The following IMMP2L variants were observed in gnomAD, a reference collection of about 807,000 sequenced individuals.
The protein encoded by IMMP2L is mitochondrial inner membrane protease subunit 2.
In IMMP2L, 18 loss-of-function variants were observed where a neutral mutation model predicts 19.3. That is an observed-to-expected ratio of 0.93 (90% confidence interval 0.64 to 1.38). IMMP2L has a LOEUF of 1.38. IMMP2L is among the 40% of genes most tolerant of loss of function. The pLI is 0.00. For missense variants in IMMP2L, 233 were observed against 218.2 expected, an observed-to-expected ratio of 1.07 and a Z score of -0.43; for synonymous variants, 76 against 73.0, an observed-to-expected ratio of 1.04 and a Z score of -0.21.
intron 3 of IMMP2L, among the ~76,000 whole-genome samples, chr7:111,437,601 A>G (rs117289073): frequency 0.017 from 2,518 of 152,062 alleles, 56 homozygotes; most frequent in Middle Eastern, 0.082. Flanking sequence ...CCATTTATAA[A>G]AGATTTTATT....
At chr7:111,453,209 C>T (rs1470997614) in intron 3 of IMMP2L, among the ~76,000 whole-genome samples, 1 of 152,138 alleles carries the variant, frequency 6.6e-6, no homozygotes, top group African/African-American at 2.4e-5. Context: ...TCGTAGCTGA[C>T]CTCATTTTTA....
intron 3 of IMMP2L, among the ~76,000 whole-genome samples, chr7:111,331,156 G>A (rs1036367580): frequency 2.0e-5 from 3 of 151,826 alleles, no homozygotes; most frequent in East Asian, 1.9e-4. Flanking sequence ...ATTCACCATC[G>A]CTAAGTTATG....
chr7:110,934,707 A>G (rs1815881625), intron 4 of IMMP2L, among the ~76,000 whole-genome samples: 10 of 152,140 alleles, frequency 6.6e-5, no homozygotes, highest in Admixed American at 6.6e-4. Context: ...TAAATTTAGG[A>G]TAGTTAGCTC....
chr7:111,065,938 G>A (rs1209081848), intron 3 of IMMP2L, among the ~76,000 whole-genome samples: 15 of 151,308 alleles, frequency 9.9e-5, no homozygotes, highest in African/African-American at 4.9e-5. Context: ...GCGCGCGCAC[G>A]CTTGGTTGGT....
At chr7:111,469,203 T>C (rs537931054) in intron 3 of IMMP2L, among the ~76,000 whole-genome samples, 37 of 152,160 alleles carry the variant, frequency 2.4e-4, no homozygotes, top group Non-Finnish European at 4.6e-4. Context: ...CCTCCAGCTT[T>C]GTTCTTTTGA....
intron 5 of IMMP2L, among the ~76,000 whole-genome samples, chr7:110,676,370 C>A (rs958992295): frequency 2.0e-5 from 3 of 152,218 alleles, no homozygotes; most frequent in Non-Finnish European, 2.9e-5. Context: ...ACTTGATTTA[C>A]AAAAACAGGC....
chr7:111,283,166 T>C (rs548930184), intron 3 of IMMP2L, among the ~76,000 whole-genome samples: 90 of 152,006 alleles, frequency 5.9e-4, no homozygotes, highest in African/African-American at 2.0e-3. Flanking sequence ...ACAGGAAAAA[T>C]GTGGAAAAAT....
chr7:110,818,151 G>T (rs992078629), intron 5 of IMMP2L, among the ~76,000 whole-genome samples: 2 of 152,048 alleles, frequency 1.3e-5, no homozygotes, highest in African/African-American at 4.8e-5. Context: ...CACAGCAAAA[G>T]AAACTACCAT....
intron 3 of IMMP2L, among the ~76,000 whole-genome samples, chr7:111,192,626 G>C (rs1350324765): frequency 1.3e-5 from 2 of 152,124 alleles, no homozygotes; most frequent in Non-Finnish European, 2.9e-5. Context: ...CACCAATTAT[G>C]AAGTGCCTTG....
chr7:111,243,579 A>G (rs1285233082), intron 3 of IMMP2L, among the ~76,000 whole-genome samples: 24 of 138,744 alleles, frequency 1.7e-4, no homozygotes, highest in African/African-American at 6.0e-4. Context: ...GGTTAGTTAC[A>G]TATGTATACA....
intron 2 of IMMP2L, among the ~76,000 whole-genome samples, chr7:111,490,095 CTCTT>C (rs1359782551): frequency 6.8e-6 from 1 of 147,664 alleles, no homozygotes; most frequent in East Asian, 2.0e-4. Context: ...CACGCCTGCC[CTCTT>C]TTTTTTTTTT....
chr7:111,324,320 G>A (rs1428130776), intron 3 of IMMP2L, among the ~76,000 whole-genome samples: 3 of 151,698 alleles, frequency 2.0e-5, no homozygotes, highest in African/African-American at 7.3e-5. Flanking sequence ...AGCACAAAGA[G>A]GAAAAGAAAT....
intron 1 of IMMP2L, among the ~76,000 whole-genome samples, chr7:111,534,172 C>A (rs1156484368): frequency 1.3e-5 from 2 of 151,996 alleles, no homozygotes; most frequent in African/African-American, 4.8e-5. Context: ...TGCAGAAACA[C>A]CACTCCAGGA....
chr7:111,555,432 A>C (rs2133136539), intron 1 of IMMP2L, among the ~76,000 whole-genome samples: 1 of 142,900 alleles, frequency 7.0e-6, no homozygotes, highest in South Asian at 2.5e-4. Context: ...GAGTAGGCAA[A>C]CAAAGCGACA....
In IMMP2L at chr7:110,870,160, A is replaced by T. The variant is rs959070498; in HGVS notation, c.408+16433T>A. Among the ~76,000 whole-genome samples the T allele has an allele frequency of 1.1e-4, 16 of 152,068 alleles. No homozygotes were observed. The highest frequency in any genetic ancestry group is 3.9e-4 in the African/African-American group (16 of 41,432). On this transcript the variant is annotated intron_variant, in intron 5 of 5. Coordinates refer to ENST00000405709, the MANE Select transcript of IMMP2L (RefSeq NM_032549.4). This position sits in a 1 kb window ranked among gnomAD's most constrained non-coding sequence, Gnocchi z 4.2. ...TTGCTTGAATCACCATCTATTTTTAAGGTGATATCCATCTCATCCTCTTTC... is the reference window on the plus strand; with the variant it reads ...TTGCTTGAATCACCATCTATTTTTATGGTGATATCCATCTCATCCTCTTTC...
At chr7:111,242,931 T>C (rs1337332835) in intron 3 of IMMP2L, among the ~76,000 whole-genome samples, 1 of 152,110 alleles carries the variant, frequency 6.6e-6, no homozygotes, top group East Asian at 1.9e-4. Context: ...AACTCACTGG[T>C]ATTTCTTAAT....
At chr7:111,428,203 A>G (rs1230574078) in intron 3 of IMMP2L, among the ~76,000 whole-genome samples, 1 of 151,776 alleles carries the variant, frequency 6.6e-6, no homozygotes, top group East Asian at 1.9e-4. Flanking sequence ...ACAGAAAATG[A>G]TAGAGTAATT....
chr7:110,869,972 T>A (rs1808375945), intron 5 of IMMP2L, among the ~76,000 whole-genome samples: 1 of 152,242 alleles, frequency 6.6e-6, no homozygotes, highest in Admixed American at 6.5e-5. Flanking sequence ...GCTATTGCCC[T>A]GTAGATAAGA....
chr7:110,906,601 C>A (rs965743086), intron 4 of IMMP2L, among the ~76,000 whole-genome samples: 7 of 152,088 alleles, frequency 4.6e-5, no homozygotes, highest in South Asian at 2.1e-4. Context: ...AACACAGACT[C>A]TGGATGGAGG....
Sources: gnomAD v4.1 joint callset for allele counts (sites outside exome capture counted in the v4.1 genomes callset) on GRCh38, gnomAD v4.1.1 for gene constraint, Gnocchi (gnomAD v3.1) non-coding constraint, MANE v1.5 for transcripts, NCBI Gene and HGNC (gene_info 2026-07-23, HGNC 2026-07-21) for gene names.